Variants in USP49 observed in about 807,000 individuals in gnomAD.
The protein encoded by USP49 is ubiquitin carboxyl-terminal hydrolase 49.
USP49 carries 24 observed loss-of-function variants against 58.6 expected under a neutral mutation model. That is an observed-to-expected ratio of 0.41 (90% confidence interval 0.30 to 0.58). USP49 has a LOEUF of 0.58. Among genes scored for constraint, USP49 ranks in the 20% least tolerant of loss-of-function variants. The pLI is 0.30. For missense variants in USP49, 703 were observed against 866.1 expected, an observed-to-expected ratio of 0.81 and a Z score of 2.36; for synonymous variants, 408 against 365.1, an observed-to-expected ratio of 1.12 and a Z score of -1.34.
chr6:41,839,369 C>T (rs1443937723), intron 3 of USP49, among the ~76,000 whole-genome samples: 2 of 126,408 alleles, frequency 1.6e-5, no homozygotes, highest in Non-Finnish European at 3.2e-5. Context: ...TGTGCCACTG[C>T]GCTCCAGTCT....
intron 2 of USP49, among the ~76,000 whole-genome samples, chr6:41,890,214 C>T (rs1310454767): frequency 6.6e-6 from 1 of 151,902 alleles, no homozygotes; most frequent in Non-Finnish European, 1.5e-5. Context: ...CCCGTCTCTA[C>T]TAAAAATACA....
intron 2 of USP49, among the ~76,000 whole-genome samples, chr6:41,884,668 C>T (rs1774676802): frequency 6.6e-6 from 1 of 152,152 alleles, no homozygotes; most frequent in Non-Finnish European, 1.5e-5. Context: ...ATTTTTCATT[C>T]ATGCATACAT....
intron 3 of USP49, among the ~76,000 whole-genome samples, chr6:41,833,897 C>A (rs183090242): frequency 2.0e-5 from 3 of 152,196 alleles, no homozygotes; most frequent in African/African-American, 7.2e-5. Context: ...GAAGCTGTTG[C>A]TGAATTCTGC....
chr6:41,823,587 C>A (rs1451035897), intron 3 of USP49, among the ~76,000 whole-genome samples: 1 of 152,138 alleles, frequency 6.6e-6, no homozygotes, highest in Non-Finnish European at 1.5e-5. Flanking sequence ...GAGCCTCAGT[C>A]AGTCAAATGT....
At chr6:41,842,335 T>G (rs1773842021) in intron 3 of USP49, among the ~76,000 whole-genome samples, 1 of 151,982 alleles carries the variant, frequency 6.6e-6, no homozygotes, top group African/African-American at 2.4e-5. Flanking sequence ...ATCATGCCAC[T>G]GCACTCCAGC....
At chr6:41,894,202 T>A (rs544416627) in intron 1 of USP49, 1 of 152,298 alleles carries the variant, frequency 6.6e-6, no homozygotes, top group Non-Finnish European at 1.5e-5. Flanking sequence ...TAGCCCTGTC[T>A]CTTTACCTCA....
intron 2 of USP49, chr6:41,874,247 A>T (rs1774463224): frequency 1.3e-5 from 2 of 152,248 alleles, no homozygotes; most frequent in Admixed American, 6.5e-5. Context: ...GCACTGGTGT[A>T]GGGATTAAAT....
At chr6:41,848,582 G>T (rs1268656158) in intron 3 of USP49, among the ~76,000 whole-genome samples, 1 of 151,924 alleles carries the variant, frequency 6.6e-6, no homozygotes, top group Non-Finnish European at 1.5e-5. Flanking sequence ...TCCCTGGCCG[G>T]GTGCAGTGGC....
chr6:41,799,193 C>T (rs1772949666), intron 6 of USP49, among the ~76,000 whole-genome samples: 1 of 151,924 alleles, frequency 6.6e-6, no homozygotes, highest in African/African-American at 2.4e-5. Flanking sequence ...CAGCTTCAAC[C>T]TTCCCGAGCT....
intron 3 of USP49, among the ~76,000 whole-genome samples, chr6:41,833,633 A>G (rs536089071): frequency 6.6e-6 from 1 of 152,358 alleles, no homozygotes; most frequent in Admixed American, 6.5e-5. Context: ...AAATAACTAT[A>G]CCAAACCTTC....
chr6:41,846,979 G>A (rs560226374), intron 3 of USP49, among the ~76,000 whole-genome samples: 1 of 152,330 alleles, frequency 6.6e-6, no homozygotes, highest in South Asian at 2.1e-4. Flanking sequence ...ACATCAGGGG[G>A]AGCAAGAGGT....
chr6:41,827,342 C>T (rs1485556557), intron 3 of USP49, among the ~76,000 whole-genome samples: 2 of 152,034 alleles, frequency 1.3e-5, no homozygotes, highest in East Asian at 3.9e-4. Flanking sequence ...GGTTACTCCC[C>T]ATTTATTTAA....
intron 3 of USP49, among the ~76,000 whole-genome samples, chr6:41,817,518 G>A (rs1286209016): frequency 7.3e-6 from 1 of 136,854 alleles, no homozygotes; most frequent in Non-Finnish European, 1.5e-5. Context: ...GCAATGAAGT[G>A]GCGCAATCTT....
chr6:41,888,068 T>C (rs1021577156), intron 2 of USP49, among the ~76,000 whole-genome samples: 1 of 147,138 alleles, frequency 6.8e-6, no homozygotes, highest in Non-Finnish European at 1.5e-5. Context: ...TTTTTTTTTT[T>C]TTTTGAGATG....
At chr6:41,890,871 T>A (rs2127367297) in intron 2 of USP49, among the ~76,000 whole-genome samples, 1 of 152,330 alleles carries the variant, frequency 6.6e-6, no homozygotes, top group Non-Finnish European at 1.5e-5. Context: ...TGTGTCATAG[T>A]ATATAACAAG....
intron 3 of USP49, among the ~76,000 whole-genome samples, chr6:41,816,160 A>C (rs1773346481): frequency 6.6e-6 from 1 of 152,102 alleles, no homozygotes; most frequent in African/African-American, 2.4e-5. Flanking sequence ...CTAAAAAGAG[A>C]GAGAGACACA....
chr6:41,808,009 C>G (rs1279582850), intron 3 of USP49, among the ~76,000 whole-genome samples: 1 of 151,904 alleles, frequency 6.6e-6, no homozygotes, highest in Non-Finnish European at 1.5e-5. Flanking sequence ...AACTACTGAC[C>G]TAAATGATCT....
At chr6:41,886,433 A>G (rs1774712592) in intron 2 of USP49, 1 of 152,234 alleles carries the variant, frequency 6.6e-6, no homozygotes, top group South Asian at 2.1e-4. Flanking sequence ...TGAGCAATTC[A>G]TACATTTTCT....
chr6:41,790,109 T>C lies in USP49; in HGVS notation c.*6424A>G, dbSNP rs1772769941. On this transcript the variant is annotated 3_prime_UTR_variant, in exon 8 of 8. Coordinates refer to ENST00000682992, the MANE Select transcript of USP49 (RefSeq NM_001286554.2). ...ACATTGATGTTAACCTAGCATGAAGTTTATTCTTGAAGAATTTACATTGTT... is the reference window on the plus strand; with the variant it reads ...ACATTGATGTTAACCTAGCATGAAGCTTATTCTTGAAGAATTTACATTGTT... 1.3e-5 allele frequency: 2 copies of C among 151,826 alleles called. No homozygotes were observed. The highest frequency in any genetic ancestry group is 4.8e-5 in the African/African-American group (2 of 41,336). The allele number at this position is 151,826 out of a possible 1,614,324, so 9.4% of individuals were successfully genotyped here. A position where few individuals can be genotyped will look rare whatever the true frequency, so the allele number is the denominator to read the frequency against.
Sources: allele counts gnomAD v4.1 joint callset (sites outside exome capture counted in the v4.1 genomes callset), GRCh38; gene constraint gnomAD v4.1.1; transcripts MANE v1.5; gene names NCBI Gene and HGNC (gene_info 2026-07-23, HGNC 2026-07-21).